ST6GALNAC5: variants seen among roughly 807,000 people sequenced by gnomAD.
ST6GALNAC5 encodes ST6 N-acetylgalactosaminide alpha-2,6-sialyltransferase 5.
A neutral mutation model predicts 33.6 loss-of-function variants in ST6GALNAC5; 27 were observed. The observed-to-expected ratio is 0.80, with a 90% CI of 0.59 to 1.11. The LOEUF (loss-of-function observed/expected upper bound fraction) is 1.11, where lower values mean the gene tolerates loss of function less well. ST6GALNAC5 is among the 50% of genes least tolerant of loss of function. The pLI is 0.00. For synonymous variants in ST6GALNAC5, 194 were observed against 171.2 expected, an observed-to-expected ratio of 1.13 and a Z score of -1.04; for missense variants, 428 against 454.0, an observed-to-expected ratio of 0.94 and a Z score of 0.52.
intron 2 of ST6GALNAC5, among the ~76,000 whole-genome samples, chr1:76,979,136 G>A (rs1008942064): frequency 7.9e-5 from 12 of 151,964 alleles, no homozygotes; most frequent in African/African-American, 2.9e-4. Context: ...CAAAAAAAAT[G>A]GAAAGGTAAC....
At chr1:76,986,530 G>A (rs1649503886) in intron 2 of ST6GALNAC5, among the ~76,000 whole-genome samples, 1 of 152,170 alleles carries the variant, frequency 6.6e-6, no homozygotes, top group Non-Finnish European at 1.5e-5. Flanking sequence ...GCTAGAGGAT[G>A]TGGAGAAATA....
In ST6GALNAC5 at chr1:76,868,516, G is replaced by A; in HGVS notation, c.35G>A (p.Cys12Tyr). The change falls in exon 2 of 5, where the codon TGT becomes TAT. Residue 12 changes from cysteine to tyrosine, a missense_variant. Physicochemically the swap from Cys to Tyr is radical, Grantham distance 194 (BLOSUM62 -2). Coordinates refer to ENST00000477717, the MANE Select transcript of ST6GALNAC5 (RefSeq NM_030965.3). This position sits in a 1 kb window ranked among gnomAD's most constrained non-coding sequence, Gnocchi z 4.3. ...KTLMRHGLAV[C>Y]LALTTMCTSL... ...CCGCAGCGCCATGGTCTGGCAGTGT[G>A]TTTAGCGCTCACCACCATGTGCACC... 6.2e-7 allele frequency: 1 copy of A among 1,611,322 alleles called. No homozygotes were observed. The highest frequency in any genetic ancestry group is 8.5e-7 in the Non-Finnish European group (1 of 1,178,384).
At chr1:77,018,765 G>A (rs1228090952) in intron 2 of ST6GALNAC5, among the ~76,000 whole-genome samples, 2 of 152,150 alleles carry the variant, frequency 1.3e-5, no homozygotes, top group Non-Finnish European at 2.9e-5. Flanking sequence ...TCTACATAAG[G>A]GATGTCAGGT....
chr1:76,952,162 G>A (rs1647774536), intron 2 of ST6GALNAC5, among the ~76,000 whole-genome samples: 1 of 152,028 alleles, frequency 6.6e-6, no homozygotes, highest in South Asian at 2.1e-4. Flanking sequence ...CCTGATTGGT[G>A]GTGTTTGCTT....
At chr1:76,924,048 G>T (rs976085261) in intron 2 of ST6GALNAC5, among the ~76,000 whole-genome samples, 1 of 152,168 alleles carries the variant, frequency 6.6e-6, no homozygotes, top group African/African-American at 2.4e-5. Context: ...AGGAGAGACA[G>T]ATTTCTGCTG....
At chr1:77,060,260 G>C (rs1047710441) in intron 4 of ST6GALNAC5, 2 of 152,052 alleles carry the variant, frequency 1.3e-5, no homozygotes, top group Non-Finnish European at 2.9e-5. Flanking sequence ...TTCAGCTCAC[G>C]GGGCCCACAA....
chr1:76,937,039 A>G (rs960120525), intron 2 of ST6GALNAC5, among the ~76,000 whole-genome samples: 3 of 151,326 alleles, frequency 2.0e-5, no homozygotes, highest in Non-Finnish European at 4.4e-5. Flanking sequence ...TACATTCCTC[A>G]GAGATGCCGT....
At chr1:77,008,396 G>A (rs1650507094) in intron 2 of ST6GALNAC5, among the ~76,000 whole-genome samples, 1 of 152,138 alleles carries the variant, frequency 6.6e-6, no homozygotes, top group Admixed American at 6.5e-5. Context: ...CTGAGTCTCA[G>A]TTTCTTTATC....
At chr1:76,888,979 A>T (rs2100245855) in intron 2 of ST6GALNAC5, among the ~76,000 whole-genome samples, 1 of 152,222 alleles carries the variant, frequency 6.6e-6, no homozygotes, top group African/African-American at 2.4e-5. Flanking sequence ...GATTAACTAT[A>T]ATCACTGTGA....
At chr1:77,004,383 A>C (rs1437603956) in intron 2 of ST6GALNAC5, among the ~76,000 whole-genome samples, 9 of 146,718 alleles carry the variant, frequency 6.1e-5, no homozygotes, top group Non-Finnish European at 1.4e-4. Flanking sequence ...TATTCTAGTT[A>C]TACATTCTTC....
At chr1:77,035,595 C>T (rs1349314152) in intron 2 of ST6GALNAC5, among the ~76,000 whole-genome samples, 1 of 152,038 alleles carries the variant, frequency 6.6e-6, no homozygotes, top group Non-Finnish European at 1.5e-5. Flanking sequence ...TTTGGTGGCA[C>T]TTATTTAGGG....
chr1:76,953,321 G>A (rs973808583), intron 2 of ST6GALNAC5, among the ~76,000 whole-genome samples: 2 of 152,090 alleles, frequency 1.3e-5, no homozygotes, highest in Non-Finnish European at 2.9e-5. Context: ...AAGCTTCTCT[G>A]TATTCTCACC....
intron 4 of ST6GALNAC5, among the ~76,000 whole-genome samples, chr1:77,055,732 C>T (rs994576529): frequency 5.3e-5 from 8 of 152,190 alleles, no homozygotes; most frequent in African/African-American, 1.9e-4. Flanking sequence ...TCTTCCTCTG[C>T]CTTGCCCCAT....
chr1:76,876,510 T>G (rs2100916589), intron 2 of ST6GALNAC5, among the ~76,000 whole-genome samples: 1 of 152,354 alleles, frequency 6.6e-6, no homozygotes, highest in Admixed American at 6.5e-5. Flanking sequence ...TCACATTTTT[T>G]GACCCCTCAG....
intron 2 of ST6GALNAC5, among the ~76,000 whole-genome samples, chr1:76,994,055 A>T (rs1268216884): frequency 2.0e-5 from 3 of 152,204 alleles, no homozygotes; most frequent in African/African-American, 7.2e-5. Flanking sequence ...GTCATTATAA[A>T]TATATTTTTC....
At position 77,063,255 on chromosome 1, in the gene ST6GALNAC5, C is replaced by T. The variant is rs774431024; in HGVS notation, c.*49C>T. The T allele has an allele frequency of 1.3e-6, 2 of 1,543,964 alleles. No homozygotes were observed. The highest frequency in any genetic ancestry group is 4.5e-5 in the East Asian group (2 of 44,388). ...TCCCAGGTATTCACTGCATCAGACA[C>T]CGAGACACTGAACTTCCTGAGCCAC... On this transcript the variant is annotated 3_prime_UTR_variant, in exon 5 of 5. Coordinates refer to ENST00000477717, the MANE Select transcript of ST6GALNAC5 (RefSeq NM_030965.3).
chr1:76,926,092 A>T (rs184134961), intron 2 of ST6GALNAC5, among the ~76,000 whole-genome samples: 9 of 152,300 alleles, frequency 5.9e-5, no homozygotes, highest in Non-Finnish European at 8.8e-5. Flanking sequence ...GGATCAGAAG[A>T]AGTAGGCACC....
At chr1:77,020,542 A>AG (rs1168777760) in intron 2 of ST6GALNAC5, among the ~76,000 whole-genome samples, 1 of 152,064 alleles carries the variant, frequency 6.6e-6, no homozygotes, top group Non-Finnish European at 1.5e-5. Context: ...CTGGGACCAT[A>AG]GGTGTGCACC....
chr1:76,948,989 T>C (rs1488910522), intron 2 of ST6GALNAC5, among the ~76,000 whole-genome samples: 1 of 152,160 alleles, frequency 6.6e-6, no homozygotes, highest in Admixed American at 6.5e-5. Context: ...ATCCTGAGGC[T>C]GTGCTTCTCT....
Sources: gnomAD v4.1 joint callset for allele counts (sites outside exome capture counted in the v4.1 genomes callset) on GRCh38, gnomAD v4.1.1 for gene constraint, Gnocchi (gnomAD v3.1) non-coding constraint, MANE v1.5 for transcripts, NCBI Gene and HGNC (gene_info 2026-07-23, HGNC 2026-07-21) for gene names.